The following NELL1 variants were observed in gnomAD, a reference collection of about 807,000 sequenced individuals.
NELL1 encodes neural EGFL like 1.
In NELL1, 76 loss-of-function variants were observed where a neutral mutation model predicts 107.4. The observed-to-expected ratio is 0.71, with a 90% CI of 0.59 to 0.86. NELL1 has a LOEUF of 0.86. Among genes scored for constraint, NELL1 ranks in the 40% least tolerant of loss-of-function variants. The pLI, the probability that NELL1 is intolerant of heterozygous loss-of-function variation, is 0.00. For synonymous variants in NELL1, 353 were observed against 341.2 expected (o/e 1.03, Z -0.38); for missense variants, 1,024 against 1,005.5 (o/e 1.02, Z -0.25).
intron 16 of NELL1, among the ~76,000 whole-genome samples, chr11:21,536,236 C>T (rs2133973134): frequency 6.6e-6 from 1 of 152,228 alleles, no homozygotes; most frequent in Admixed American, 6.5e-5. Context: ...CAATAGGTAG[C>T]CTTCCAAACC....
intron 14 of NELL1, among the ~76,000 whole-genome samples, chr11:21,235,693 A>C (rs1288699898): frequency 6.6e-6 from 1 of 152,182 alleles, no homozygotes; most frequent in Non-Finnish European, 1.5e-5. Flanking sequence ...CATGGATGAC[A>C]AAAATCCCTT....
chr11:20,744,042 C>T (rs1030438278), intron 2 of NELL1, among the ~76,000 whole-genome samples: 3 of 152,068 alleles, frequency 2.0e-5, no homozygotes, highest in African/African-American at 7.2e-5. Flanking sequence ...TGATTAGTAC[C>T]ATCTCCTCTA....
intron 12 of NELL1, among the ~76,000 whole-genome samples, chr11:20,987,595 A>G (rs1851878905): frequency 6.6e-6 from 1 of 152,194 alleles, no homozygotes; most frequent in Admixed American, 6.5e-5. Context: ...AGAACTCACT[A>G]TCACGAGAAC....
intron 15 of NELL1, among the ~76,000 whole-genome samples, chr11:21,495,960 C>T (rs905542859): frequency 6.6e-6 from 1 of 151,822 alleles, no homozygotes; most frequent in African/African-American, 2.4e-5. Context: ...TTATCTGTAC[C>T]AAGTGGGTCC....
chr11:21,511,461 G>T (rs908526010), intron 15 of NELL1, among the ~76,000 whole-genome samples: 2 of 152,166 alleles, frequency 1.3e-5, no homozygotes, highest in African/African-American at 4.8e-5. Context: ...GGATGAGAAA[G>T]ATAAGGTCCC....
chr11:20,936,641 T>A (rs906882733), intron 9 of NELL1, among the ~76,000 whole-genome samples: 4 of 152,030 alleles, frequency 2.6e-5, no homozygotes, highest in African/African-American at 9.7e-5. Flanking sequence ...GATGTTATTA[T>A]GTAATTACTG....
chr11:21,065,997 A>C (rs1301309406), intron 12 of NELL1, among the ~76,000 whole-genome samples: 1 of 152,188 alleles, frequency 6.6e-6, no homozygotes, highest in Non-Finnish European at 1.5e-5. Flanking sequence ...TTTGAATATT[A>C]CAATTTATCT....
intron 12 of NELL1, among the ~76,000 whole-genome samples, chr11:21,081,862 T>G (rs957366966): frequency 8.5e-5 from 13 of 152,138 alleles, no homozygotes; most frequent in Non-Finnish European, 1.6e-4. Context: ...GAAGGTTATC[T>G]CATTTATTTT....
chr11:20,785,075 G>A (rs529458648), intron 3 of NELL1, among the ~76,000 whole-genome samples: 5 of 152,296 alleles, frequency 3.3e-5, no homozygotes, highest in African/African-American at 1.2e-4. Flanking sequence ...GGGAAGAAGG[G>A]TGTTACATCA....
chr11:21,308,799 T>C (rs7945136), intron 14 of NELL1, among the ~76,000 whole-genome samples: 2,718 of 152,146 alleles, frequency 0.018, 87 homozygotes, highest in African/African-American at 0.062. Context: ...ATTATACACA[T>C]AGTAAAGTGC....
chr11:21,347,289 T>G (rs1292783730), intron 14 of NELL1, among the ~76,000 whole-genome samples: 1 of 151,790 alleles, frequency 6.6e-6, no homozygotes, highest in Non-Finnish European at 1.5e-5. Context: ...TGGAAAAGAG[T>G]TTGGCTTGTT....
chr11:20,850,370 T>C (rs1848774285), intron 4 of NELL1, among the ~76,000 whole-genome samples: 1 of 152,230 alleles, frequency 6.6e-6, no homozygotes, highest in Non-Finnish European at 1.5e-5. Flanking sequence ...GTTCTGCTGA[T>C]TAGAGTATGA....
intron 13 of NELL1, among the ~76,000 whole-genome samples, chr11:21,164,585 G>A (rs1370710811): frequency 6.6e-6 from 1 of 152,060 alleles, no homozygotes; most frequent in African/African-American, 2.4e-5. Context: ...AATCTATTAT[G>A]GAAAGAGTTT....
chr11:20,878,358 CAAA>C lies in NELL1; in HGVS notation c.507-7068_507-7066del, dbSNP rs58962461. Among the ~76,000 whole-genome samples, 19 of 95,756 alleles carry C rather than the reference CAAA, an allele frequency of 2.0e-4. No homozygotes were observed. The East Asian group carries it at 2.0e-3, about 10-fold the overall frequency. The allele number at this position is 95,756 out of a possible 152,430, so 62.8% of individuals were successfully genotyped here. ...TGGGGGACAGAGAGAGACCCCGTCTCAAAAAAAAAAAAAAAAAAAAGATGCCAT... is the reference window on the plus strand; with the variant it reads ...TGGGGGACAGAGAGAGACCCCGTCTCAAAAAAAAAAAAAAAAAGATGCCAT... On this transcript the variant is annotated intron_variant, in intron 4 of 19. Coordinates refer to ENST00000357134, the MANE Select transcript of NELL1 (RefSeq NM_006157.5).
At chr11:20,893,855 T>TAAAAAAAAAAAAAAAAAAAAA (rs10658756) in intron 5 of NELL1, among the ~76,000 whole-genome samples, 1 of 127,190 alleles carries the variant, frequency 7.9e-6, no homozygotes, top group Admixed American at 8.0e-5. Flanking sequence ...GTGAGGTAGT[T>TAAAAAAAAAAAAAAAAAAAAA]AAAAAAAAAA....
chr11:21,102,890 C>T (rs1854856269), intron 12 of NELL1, among the ~76,000 whole-genome samples: 1 of 152,078 alleles, frequency 6.6e-6, no homozygotes, highest in Non-Finnish European at 1.5e-5. Flanking sequence ...TTTTAAGAAC[C>T]AGCTTCAGTA....
At chr11:21,496,818 T>A (rs1463605936) in intron 15 of NELL1, among the ~76,000 whole-genome samples, 4 of 152,178 alleles carry the variant, frequency 2.6e-5, no homozygotes, top group African/African-American at 9.6e-5. Context: ...AGTAAACCAT[T>A]CCTGTGTCTA....
intron 2 of NELL1, among the ~76,000 whole-genome samples, chr11:20,736,154 C>T (rs539102070): frequency 6.6e-6 from 1 of 152,124 alleles, no homozygotes; most frequent in East Asian, 1.9e-4. Flanking sequence ...CCACTGAGGG[C>T]AAGTGGGGGG....
In NELL1 at chr11:21,382,693, G is replaced by A. The variant is rs143003556; in HGVS notation, c.1645+11745G>A. Among the ~76,000 whole-genome samples the A allele has an allele frequency of 1.4e-4, 22 of 151,876 alleles. No homozygotes were observed. In the East Asian group the frequency reaches 4.3e-3, roughly 30 times the overall value. On this transcript the variant is annotated intron_variant, in intron 15 of 19. Transcript: ENST00000357134. ...CCTTTGTAACTTTACCATTAATGAA[G>A]GGAGCTAGTCTTTTAAATAGATTGG...
Sources: gnomAD v4.1 joint callset for allele counts (sites outside exome capture counted in the v4.1 genomes callset) on GRCh38, gnomAD v4.1.1 for gene constraint, MANE v1.5 for transcripts, NCBI Gene and HGNC (gene_info 2026-07-23, HGNC 2026-07-21) for gene names.